The following PDE11A variants were observed in gnomAD, a reference collection of about 807,000 sequenced individuals.
PDE11A encodes the protein dual 3',5'-cyclic-AMP and -GMP phosphodiesterase 11A.
PDE11A carries 100 observed loss-of-function variants against 100.5 expected under a neutral mutation model. The observed-to-expected ratio is 1.00, with a 90% CI of 0.85 to 1.18. The LOEUF (loss-of-function observed/expected upper bound fraction) is 1.18. Among genes scored for constraint, PDE11A ranks in the 50% most tolerant of loss-of-function variants. The pLI is 0.00. For missense variants in PDE11A, 1,141 were observed against 1,152.6 expected, an observed-to-expected ratio of 0.99 and a Z score of 0.15; for synonymous variants, 381 against 420.8, an observed-to-expected ratio of 0.91 and a Z score of 1.16.
rs368109063 is a variant in PDE11A, at chr2:177,964,731, A to G, written c.1071+49571T>C. Among the ~76,000 whole-genome samples the G allele has an allele frequency of 7.2e-4, 109 of 152,242 alleles. 1 individual carries two copies. The South Asian group carries it at 0.022, about 30-fold the overall frequency. ...AAAGGACACAATCTCATGTTTTTTA[A>G]GGCTGCATCGTATTCCATGGTGTAT... On this transcript the variant is annotated intron_variant, in intron 2 of 19. Coordinates refer to ENST00000286063, the MANE Select transcript of PDE11A (RefSeq NM_016953.4).
At chr2:177,648,743 G>A (rs2080260737) in intron 19 of PDE11A, among the ~76,000 whole-genome samples, 1 of 152,032 alleles carries the variant, frequency 6.6e-6, no homozygotes, top group South Asian at 2.1e-4. Flanking sequence ...TAGAAACAAA[G>A]TTAAGGGAAT....
intron 3 of PDE11A, among the ~76,000 whole-genome samples, chr2:177,901,027 T>C (rs969770639): frequency 6.6e-5 from 10 of 152,134 alleles, no homozygotes; most frequent in East Asian, 1.9e-4. Flanking sequence ...AAGATGACAA[T>C]AGCCCTTTCC....
In PDE11A at chr2:177,664,862, A is replaced by G. The variant is rs1218222853; in HGVS notation, c.2563-913T>C. Among the ~76,000 whole-genome samples the G allele has an allele frequency of 3.9e-5, 6 of 152,194 alleles. No individual in the cohort carries two copies. In the East Asian group the frequency reaches 1.2e-3, roughly 29 times the overall value. ...CCTTTACATAAAATGTGGCATTCAC[A>G]TTATTTTGGTGTCCTTATAGGCCAT... On this transcript the variant is annotated intron_variant, in intron 18 of 19. Coordinates refer to ENST00000286063, the MANE Select transcript of PDE11A (RefSeq NM_016953.4).
chr2:177,961,516 G>A (rs2695728), intron 2 of PDE11A, among the ~76,000 whole-genome samples: 42,420 of 151,910 alleles, frequency 0.28, 6,504 homozygotes, highest in African/African-American at 0.41. Context: ...TACCTGTTAC[G>A]TTTTGGTCTT....
intron 9 of PDE11A, among the ~76,000 whole-genome samples, chr2:177,781,637 G>T (rs2082456166): frequency 6.6e-6 from 1 of 152,058 alleles, no homozygotes; most frequent in African/African-American, 2.4e-5. Flanking sequence ...AAGTAGCTGG[G>T]ACTACAGGTG....
In PDE11A at chr2:178,052,533, T is replaced by C. The variant is rs756868571; in HGVS notation, c.912+18993A>G. Among the ~76,000 whole-genome samples, 1,500 of 150,986 alleles carry C rather than the reference T, an allele frequency of 9.9e-3. 20 individuals are homozygous for C. Among genetic ancestry groups the C allele is most frequent in the African/African-American group, 0.035 (1,425 of 40,968 alleles). On this transcript the variant is annotated intron_variant, in intron 1 of 19. Coordinates refer to ENST00000286063, the MANE Select transcript of PDE11A (RefSeq NM_016953.4). ...AAGATCAGAGCAGAACTGAAGGAGA[T>C]AGAGACACAAAAAACCCTTCAAAAA... is the stretch of plus-strand genomic sequence containing the variant.
rs371975824 is a variant in PDE11A at position 177,795,599 on chromosome 2, T to C, written c.1737+21230A>G. Among the ~76,000 whole-genome samples, 97 of 152,218 alleles carry C rather than the reference T, an allele frequency of 6.4e-4. 3 individuals are homozygous for C. Among genetic ancestry groups the C allele is most frequent in the African/African-American group, 2.2e-3 (91 of 41,552 alleles). ...CTTCTGAAATGCCTTCTTGGGTACC[T>C]AAAGTCAGGCCTCTCCTCTTTCCAC... On this transcript the variant is annotated intron_variant, in intron 9 of 19. Coordinates refer to ENST00000286063, the MANE Select transcript of PDE11A (RefSeq NM_016953.4).
intron 5 of PDE11A, among the ~76,000 whole-genome samples, chr2:177,855,139 T>C (rs1011788213): frequency 6.6e-6 from 1 of 152,054 alleles, no homozygotes; most frequent in Non-Finnish European, 1.5e-5. Flanking sequence ...AGAGGCACAG[T>C]AGAAGAAAGA....
intron 3 of PDE11A, among the ~76,000 whole-genome samples, chr2:177,902,916 C>G (rs1471206963): frequency 6.6e-6 from 1 of 152,210 alleles, no homozygotes; most frequent in Non-Finnish European, 1.5e-5. Context: ...TCTCACTGCT[C>G]CAGCCTTCTC....
At chr2:178,098,602 T>A (rs1233754800) in intron 2 of PDE11A, among the ~76,000 whole-genome samples, 3 of 152,164 alleles carry the variant, frequency 2.0e-5, no homozygotes, top group South Asian at 4.1e-4. Flanking sequence ...CTTTAGAGTA[T>A]AAATATGACT....
At chr2:177,956,573 G>T (rs1377123451) in intron 2 of PDE11A, among the ~76,000 whole-genome samples, 2 of 152,156 alleles carry the variant, frequency 1.3e-5, no homozygotes, top group East Asian at 3.8e-4. Flanking sequence ...TATACCCAAA[G>T]GATTATAAAT....
chr2:178,007,032 C>A (rs1021320662), intron 2 of PDE11A, among the ~76,000 whole-genome samples: 8 of 152,194 alleles, frequency 5.3e-5, no homozygotes, highest in Non-Finnish European at 1.2e-4. Context: ...ACTCCAACTT[C>A]ATCTACCACA....
chr2:177,944,930 G>A (rs2085389087), intron 2 of PDE11A, among the ~76,000 whole-genome samples: 1 of 148,866 alleles, frequency 6.7e-6, no homozygotes, highest in Admixed American at 6.7e-5. Flanking sequence ...CAACCTCCCT[G>A]CCTGATTCTC....
At chr2:177,641,364 A>C (rs1340839680) in intron 19 of PDE11A, among the ~76,000 whole-genome samples, 1 of 151,798 alleles carries the variant, frequency 6.6e-6, no homozygotes, top group Non-Finnish European at 1.5e-5. Flanking sequence ...AAATAATCCC[A>C]CTAAGTTTTC....
At chr2:178,088,401 A>C (rs1426564968) in intron 2 of PDE11A, among the ~76,000 whole-genome samples, 2 of 152,228 alleles carry the variant, frequency 1.3e-5, no homozygotes, top group East Asian at 3.8e-4. Flanking sequence ...TGAAAAATAA[A>C]TGATATGTTG....
intron 1 of PDE11A, among the ~76,000 whole-genome samples, chr2:178,060,937 C>CT (rs71010855): frequency 0.044 from 3,358 of 75,546 alleles, 270 homozygotes; most frequent in African/African-American, 0.11. Flanking sequence ...TGTAAATATT[C>CT]TTTTTTTTTT....
At chr2:177,926,797 C>T (rs1046310852) in intron 2 of PDE11A, 1 of 152,008 alleles carries the variant, frequency 6.6e-6, no homozygotes, top group Non-Finnish European at 1.5e-5. Flanking sequence ...TATTTTGGGG[C>T]CTATGTACTT....
At chr2:177,988,652 T>C (rs1016504181) in intron 2 of PDE11A, among the ~76,000 whole-genome samples, 2 of 152,202 alleles carry the variant, frequency 1.3e-5, no homozygotes, top group Non-Finnish European at 2.9e-5. Flanking sequence ...ATAAATTACG[T>C]AGCCAGTCCT....
rs536104458 is a variant in PDE11A at position 177,889,613 on chromosome 2, T to C, written c.1302+8445A>G. Among the ~76,000 whole-genome samples the C allele has an allele frequency of 8.5e-5, 13 of 152,152 alleles. No individual in the cohort carries two copies. The South Asian group carries it at 2.7e-3, about 32-fold the overall frequency. On this transcript the variant is annotated intron_variant, in intron 4 of 19. Coordinates refer to ENST00000286063, the MANE Select transcript of PDE11A (RefSeq NM_016953.4). Reference sequence around the variant, plus strand: ...TAATGCTTTATTATTATCCATTTTATTTTCAATTTTATTATTTGTGTGCCT... The same window carrying C: ...TAATGCTTTATTATTATCCATTTTACTTTCAATTTTATTATTTGTGTGCCT...
Sources: allele counts gnomAD v4.1 joint callset (sites outside exome capture counted in the v4.1 genomes callset), GRCh38; gene constraint gnomAD v4.1.1; transcripts MANE v1.5; gene names NCBI Gene and HGNC (gene_info 2026-07-23, HGNC 2026-07-21).